Variants in TRPC5 observed in about 807,000 individuals in gnomAD.
TRPC5 encodes transient receptor potential cation channel subfamily C member 5.
A neutral mutation model predicts 56.5 loss-of-function variants in TRPC5; 9 were observed. That is an observed-to-expected ratio of 0.16 (90% CI 0.10 to 0.28). The LOEUF (loss-of-function observed/expected upper bound fraction) is 0.28. TRPC5 is among the 10% of genes least tolerant of loss of function. TRPC5 has a pLI of 1.00. For missense variants in TRPC5, 469 were observed against 748.9 expected, an observed-to-expected ratio of 0.63 and a Z score of 4.36; for synonymous variants, 282 against 278.5, an observed-to-expected ratio of 1.01 and a Z score of -0.13.
rs1945875444 is a variant in TRPC5 at position 111,776,107 on chromosome X, G to T, written c.*206C>A. On this transcript the variant is annotated 3_prime_UTR_variant, in exon 11 of 11. Transcript: ENST00000262839. ...TTGTAAGATGGACTTAGTGTGTATA[G>T]GTATTAAAAAGGCAAATAATAATGA... 2 of 379,258 alleles carry T rather than the reference G, an allele frequency of 5.3e-6. No individual in the cohort carries two copies. Among genetic ancestry groups the T allele is most frequent in the African/African-American group, 2.5e-5 (1 of 40,041 alleles). 31.3% of individuals were successfully genotyped at this position (379,258 alleles called of 1,213,427 possible).
At chrX:112,035,083 T>C (rs1323678016) in intron 1 of TRPC5, among the ~76,000 whole-genome samples, 1 of 95,211 alleles carries the variant, frequency 1.1e-5, no homozygotes, top group African/African-American at 4.6e-5. Flanking sequence ...TTTCCTTTTT[T>C]TTTTTTAAAA....
intron 6 of TRPC5, among the ~76,000 whole-genome samples, chrX:111,839,062 T>G (rs1304078558): frequency 8.9e-6 from 1 of 111,870 alleles, no homozygotes; most frequent in African/African-American, 3.2e-5. Flanking sequence ...GGTGACCCTT[T>G]GGTATCACCC....
chrX:111,950,043 G>T (rs1927034630), intron 2 of TRPC5, among the ~76,000 whole-genome samples: 2 of 111,538 alleles, frequency 1.8e-5, no homozygotes, highest in African/African-American at 6.5e-5. Flanking sequence ...GGAATGAGTT[G>T]GCTGGGCGCG....
intron 3 of TRPC5, among the ~76,000 whole-genome samples, chrX:111,911,896 C>T (rs748936183): frequency 5.4e-4 from 60 of 112,126 alleles, no homozygotes; most frequent in African/African-American, 1.9e-3. Flanking sequence ...TATGTGCTCT[C>T]ACAGAGCACT....
intron 2 of TRPC5, among the ~76,000 whole-genome samples, chrX:111,916,332 T>C (rs148782161): frequency 0.05 from 5,613 of 111,254 alleles, 124 homozygotes; most frequent in Non-Finnish European, 0.072. Flanking sequence ...ACTTGGGACA[T>C]TTCTGCCTGT....
intron 5 of TRPC5, among the ~76,000 whole-genome samples, chrX:111,850,306 A>G (rs57398125): frequency 0.011 from 1,241 of 112,053 alleles, 17 homozygotes; most frequent in African/African-American, 0.039. Flanking sequence ...ACCTTTTGGT[A>G]CTTGCTTTAG....
At chrX:111,814,279 T>A (rs1050511638) in intron 7 of TRPC5, among the ~76,000 whole-genome samples, 1 of 110,424 alleles carries the variant, frequency 9.1e-6, no homozygotes, top group Non-Finnish European at 1.9e-5. Context: ...CTCTAACTTA[T>A]TGCATCCATG....
intron 3 of TRPC5, among the ~76,000 whole-genome samples, chrX:111,890,178 C>A (rs1362859610): frequency 2.7e-5 from 3 of 112,230 alleles, no homozygotes; most frequent in Non-Finnish European, 5.6e-5. Context: ...GTAAAACAAA[C>A]TATTTACATA....
chrX:111,961,940 A>C (rs112031834), intron 1 of TRPC5, among the ~76,000 whole-genome samples: 96 of 112,167 alleles, frequency 8.6e-4, no homozygotes, highest in African/African-American at 2.8e-3. Flanking sequence ...TTGCAGCAAC[A>C]TGGAGGGAGC....
intron 1 of TRPC5, among the ~76,000 whole-genome samples, chrX:111,966,947 C>G (rs988087680): frequency 1.8e-5 from 2 of 111,631 alleles, no homozygotes; most frequent in Non-Finnish European, 3.8e-5. Flanking sequence ...CTCACCACTC[C>G]TATTCAACAT....
At chrX:111,956,212 A>G (rs1927231472) in intron 1 of TRPC5, among the ~76,000 whole-genome samples, 1 of 112,479 alleles carries the variant, frequency 8.9e-6, no homozygotes, top group African/African-American at 3.2e-5. Flanking sequence ...CTGGCTTTCT[A>G]CCTAACTAAG....
At chrX:111,898,776 G>A (rs1925194500) in intron 3 of TRPC5, among the ~76,000 whole-genome samples, 1 of 110,415 alleles carries the variant, frequency 9.1e-6, no homozygotes, top group Non-Finnish European at 1.9e-5. Flanking sequence ...AATGGGAAAG[G>A]AATGATTAGG....
intron 1 of TRPC5, among the ~76,000 whole-genome samples, chrX:111,966,466 C>T (rs747484037): frequency 8.9e-6 from 1 of 112,020 alleles, no homozygotes; most frequent in East Asian, 2.8e-4. Flanking sequence ...GGAATCCTCC[C>T]TAACTCATTT....
At chrX:111,859,159 G>A (rs1052115227) in intron 3 of TRPC5, among the ~76,000 whole-genome samples, 2 of 111,062 alleles carry the variant, frequency 1.8e-5, no homozygotes, top group Non-Finnish European at 3.8e-5. Context: ...TTGTTAGGAC[G>A]TTTTCATTGT....
Position 111,861,393 on chromosome X carries a change from A to G in TRPC5, c.901-7287T>C, listed in dbSNP as rs1164472315. Among the ~76,000 whole-genome samples, 3 of 112,146 alleles carry G rather than the reference A, an allele frequency of 2.7e-5. No homozygotes were observed. In the East Asian group the frequency reaches 8.3e-4, roughly 31 times the overall value. ...GATTAGTTTTTATAGTGTCTTTATA[A>G]TTTGCTTAAACCATCCACTTTATTT... On this transcript the variant is annotated intron_variant, in intron 3 of 10. Transcript: ENST00000262839.
chrX:111,863,124 A>G (rs756586144), intron 3 of TRPC5, among the ~76,000 whole-genome samples: 5 of 111,857 alleles, frequency 4.5e-5, no homozygotes, highest in African/African-American at 1.3e-4. Flanking sequence ...CTACTAGGCA[A>G]TAGCAGAACA....
At chrX:112,027,267 A>ATGTG (rs35416852) in intron 1 of TRPC5, among the ~76,000 whole-genome samples, 4 of 111,760 alleles carry the variant, frequency 3.6e-5, no homozygotes, top group Non-Finnish European at 7.5e-5. Flanking sequence ...GGAAAGGAAA[A>ATGTG]TGTGTGTGTG....
intron 6 of TRPC5, among the ~76,000 whole-genome samples, chrX:111,846,052 C>T (rs1259413862): frequency 8.9e-6 from 1 of 111,742 alleles, no homozygotes; most frequent in East Asian, 2.8e-4. Flanking sequence ...CTAGATAGCA[C>T]TGTTTTGTTT....
chrX:111,824,229 C>CAAA (rs1173966332), intron 7 of TRPC5, among the ~76,000 whole-genome samples: 2 of 54,600 alleles, frequency 3.7e-5, no homozygotes, highest in African/African-American at 5.1e-5. Context: ...GACCCTGTCT[C>CAAA]AAAAAAAAAA....
Sources: gnomAD v4.1 joint callset for allele counts (sites outside exome capture counted in the v4.1 genomes callset) on GRCh38, gnomAD v4.1.1 for gene constraint, MANE v1.5 for transcripts, NCBI Gene and HGNC (gene_info 2026-07-23, HGNC 2026-07-21) for gene names.